PCDHA7: variants seen among roughly 807,000 people sequenced by gnomAD.
The protein encoded by PCDHA7 is protocadherin alpha-7.
PCDHA7 carries 37 observed loss-of-function variants against 57.2 expected under a neutral mutation model. That is an observed-to-expected ratio of 0.65 (90% CI 0.50 to 0.85). PCDHA7 has a LOEUF of 0.85. PCDHA7 is among the 40% of genes least tolerant of loss of function. The probability of loss-of-function intolerance (pLI) is 0.00; values close to 1 mark genes in which losing one functional copy is unlikely to be tolerated. For synonymous variants in PCDHA7, 553 were observed against 558.8 expected (o/e 0.99, Z 0.15); for missense variants, 1,188 against 1,241.8 (o/e 0.96, Z 0.65).
intron 3 of PCDHA7, among the ~76,000 whole-genome samples, chr5:140,988,042 T>C (rs1365233473): frequency 1.3e-5 from 2 of 152,212 alleles, no homozygotes. Context: ...AGAATCTGTT[T>C]AGGAGCACTG....
intron 1 of PCDHA7, chr5:140,871,169 A>AG: frequency 6.2e-7 from 1 of 1,613,520 alleles, no homozygotes; most frequent in Non-Finnish European, 8.5e-7. Flanking sequence ...GCGAGCCCAG[A>AG]GGCTGCGCTG....
At position 141,011,322 on chromosome 5, in the gene PCDHA7, C is replaced by T. The variant is rs1210973958; in HGVS notation, c.*1385C>T. The T allele has an allele frequency of 2.0e-5, 3 of 153,698 alleles. No individual in the cohort carries two copies. The highest frequency in any genetic ancestry group is 7.2e-5 in the African/African-American group (3 of 41,430). The allele number at this position is 153,698 out of a possible 1,614,324, so 9.5% of individuals were successfully genotyped here. On this transcript the variant is annotated 3_prime_UTR_variant, in exon 4 of 4. Coordinates refer to ENST00000525929, the MANE Select transcript of PCDHA7 (RefSeq NM_018910.3). Reference sequence around the variant, plus strand: ...CTCTGAATTGCTAATCTTACTAACACCTATGATGTTACCTGAAATCAATCT... The same window carrying T: ...CTCTGAATTGCTAATCTTACTAACATCTATGATGTTACCTGAAATCAATCT...
chr5:140,856,767 T>A, intron 1 of PCDHA7: 1 of 1,596,922 alleles, frequency 6.3e-7, no homozygotes, highest in Non-Finnish European at 8.6e-7. Context: ...AACGCCCCTA[T>A]CTTTGACAGA....
At chr5:140,843,679 C>T (rs2150364894) in intron 1 of PCDHA7, 1 of 1,589,886 alleles carries the variant, frequency 6.3e-7, no homozygotes, top group Non-Finnish European at 8.6e-7. Flanking sequence ...TTGATGTAGG[C>T]GAAGAGCAAG....
Position 140,835,022 on chromosome 5 carries a change from G to A in PCDHA7, c.639G>A (p.Thr213=). ...CTCCGGAGCTTCATTTATTGCTCACGGCCACCGATGGAGGCAAACCCGAGC... is the reference window on the plus strand; with the variant it reads ...CTCCGGAGCTTCATTTATTGCTCACAGCCACCGATGGAGGCAAACCCGAGC... ...EETPELHLLL[T]ATDGGKPELT... is the part of the protein sequence containing the mutation. The change falls in exon 1 of 4, where the codon ACG becomes ACA. Residue 213 remains threonine, a synonymous_variant. Coordinates refer to ENST00000525929, the MANE Select transcript of PCDHA7 (RefSeq NM_018910.3). 3 of 1,341,264 alleles carry A rather than the reference G, an allele frequency of 2.2e-6. No individual in the cohort carries two copies. The South Asian group carries it at 4.2e-5, about 19-fold the overall frequency. 83.1% of individuals were successfully genotyped at this position (1,341,264 alleles called of 1,614,324 possible). A position where few individuals can be genotyped will look rare whatever the true frequency, so the allele number is the denominator to read the frequency against.
chr5:140,876,051 A>G, intron 1 of PCDHA7: 2 of 1,613,956 alleles, frequency 1.2e-6, no homozygotes, highest in African/African-American at 2.7e-5. Flanking sequence ...TATTGCCTGA[A>G]TTAGTTCTTC....
At chr5:140,861,457 A>T (rs2046932948) in intron 1 of PCDHA7, 1 of 493,524 alleles carries the variant, frequency 2.0e-6, no homozygotes, top group African/African-American at 2.0e-5. Flanking sequence ...AACCTTCTGG[A>T]GGTAAATCTG....
At position 141,000,391 on chromosome 5, in the gene PCDHA7, CTCTCTATA is replaced by C. The variant is rs1374519322; in HGVS notation, c.2504-9234_2504-9227del. Reference sequence around the variant, plus strand: ...TCTCTCTCTCTCTCTCTCTCTCTCTCTCTCTATATATATATATATATATATATATATTT... The same window carrying C: ...TCTCTCTCTCTCTCTCTCTCTCTCTCTATATATATATATATATATATATTT... On this transcript the variant is annotated intron_variant, in intron 3 of 3. Transcript: ENST00000525929. Among the ~76,000 whole-genome samples the C allele has an allele frequency of 7.6e-3, 431 of 56,394 alleles. 1 individual carries two copies. The highest frequency in any genetic ancestry group is 0.013 in the African/African-American group (152 of 11,988). The allele number at this position is 56,394 out of a possible 152,430, so 37.0% of individuals were successfully genotyped here. A position where few individuals can be genotyped will look rare whatever the true frequency, so the allele number is the denominator to read the frequency against.
intron 1 of PCDHA7, among the ~76,000 whole-genome samples, chr5:140,942,069 A>G (rs1384507706): frequency 1.3e-5 from 2 of 152,234 alleles, no homozygotes; most frequent in Non-Finnish European, 2.9e-5. Flanking sequence ...TAATTGAGCC[A>G]AGAGAGCACA....
intron 1 of PCDHA7, among the ~76,000 whole-genome samples, chr5:140,933,444 A>T (rs1478759836): frequency 1.3e-5 from 2 of 152,184 alleles, no homozygotes; most frequent in African/African-American, 4.8e-5. Flanking sequence ...CTAATGACAT[A>T]CCTTCAAAAT....
chr5:140,857,791 G>A, intron 1 of PCDHA7: 2 of 1,597,714 alleles, frequency 1.3e-6, no homozygotes, highest in Non-Finnish European at 1.7e-6. Context: ...AGCTGGTGCT[G>A]CGGTCGGTGG....
chr5:140,999,890 T>C (rs2097882236), intron 3 of PCDHA7, among the ~76,000 whole-genome samples: 1 of 152,168 alleles, frequency 6.6e-6, no homozygotes, highest in South Asian at 2.1e-4. Context: ...CAGCTGTAGC[T>C]TGGGACACCA....
rs115795241 is a variant in PCDHA7, at chr5:140,931,728, G to A, written c.2356-47221G>A. 2.8e-3 allele frequency among the ~76,000 whole-genome samples: 427 copies of A among 151,850 alleles called. 1 individual carries two copies. The highest frequency in any genetic ancestry group is 4.4e-3 in the Non-Finnish European group (297 of 67,780). ...GAATAAAATAACTTCTATAAATATGGGGTATTTGTAATTCACAAAGGCATT... is the reference window on the plus strand; with the variant it reads ...GAATAAAATAACTTCTATAAATATGAGGTATTTGTAATTCACAAAGGCATT... On this transcript the variant is annotated intron_variant, in intron 1 of 3. Coordinates refer to ENST00000525929, the MANE Select transcript of PCDHA7 (RefSeq NM_018910.3).
At chr5:140,877,153 A>C in intron 1 of PCDHA7, 1 of 1,613,798 alleles carries the variant, frequency 6.2e-7, no homozygotes, top group Non-Finnish European at 8.5e-7. Flanking sequence ...CGAGAACGAC[A>C]ACGCGCCGGC....
intron 1 of PCDHA7, chr5:140,882,370 C>T: frequency 6.2e-7 from 1 of 1,614,220 alleles, no homozygotes; most frequent in Non-Finnish European, 8.5e-7. Context: ...TCCACTACTC[C>T]GTCCCCGAGG....
chr5:140,856,611 A>T (rs782801357), intron 1 of PCDHA7: 2 of 1,598,100 alleles, frequency 1.3e-6, no homozygotes, highest in Non-Finnish European at 1.7e-6. Context: ...AAAGACAAAG[A>T]CAAATTCCCA....
intron 1 of PCDHA7, among the ~76,000 whole-genome samples, chr5:140,846,541 AT>A (rs1226302144): frequency 6.8e-6 from 1 of 147,482 alleles, no homozygotes; most frequent in Non-Finnish European, 1.5e-5. Context: ...TGCCCTGCTA[AT>A]TTTTTGTATT....
At chr5:140,897,900 A>G (rs1173970358) in intron 1 of PCDHA7, among the ~76,000 whole-genome samples, 5 of 152,140 alleles carry the variant, frequency 3.3e-5, no homozygotes, top group Non-Finnish European at 5.9e-5. Context: ...GTGAGATGGT[A>G]TCTCATTGTG....
intron 1 of PCDHA7, among the ~76,000 whole-genome samples, chr5:140,934,787 C>A (rs1383149637): frequency 6.6e-6 from 1 of 152,096 alleles, no homozygotes; most frequent in African/African-American, 2.4e-5. Context: ...CAATCCATGT[C>A]AATTATCTTT....
Sources: gnomAD v4.1 joint callset for allele counts (sites outside exome capture counted in the v4.1 genomes callset) on GRCh38, gnomAD v4.1.1 for gene constraint, MANE v1.5 for transcripts, NCBI Gene and HGNC (gene_info 2026-07-23, HGNC 2026-07-21) for gene names.